Variants in KCNH5 observed in about 807,000 individuals in gnomAD.
KCNH5 encodes the protein potassium voltage-gated channel subfamily H member 5.
In KCNH5, 46 loss-of-function variants were observed where a neutral mutation model predicts 96.1. That is an observed-to-expected ratio of 0.48 (90% confidence interval 0.38 to 0.61). KCNH5 has a LOEUF of 0.61. Ranked by LOEUF, KCNH5 falls within the 20% of genes least tolerant of loss-of-function variation. KCNH5 has a pLI of 0.00. For missense variants in KCNH5, 907 were observed against 1,225.8 expected (o/e 0.74, Z 3.88); for synonymous variants, 439 against 449.8 (o/e 0.98, Z 0.30).
intron 8 of KCNH5, among the ~76,000 whole-genome samples, chr14:62,843,157 A>G (rs1270486269): frequency 1.3e-5 from 2 of 152,170 alleles, no homozygotes; most frequent in Admixed American, 1.3e-4. Flanking sequence ...TACCCATCAT[A>G]TAACAAAATT....
rs1891906953 is a variant in KCNH5, at chr14:63,045,414, G to A, written c.-228C>T. The A allele has an allele frequency of 5.3e-6, 3 of 561,524 alleles. No homozygotes were observed. The highest frequency in any genetic ancestry group is 6.4e-6 in the Non-Finnish European group (2 of 311,736). 34.8% of individuals were successfully genotyped at this position (561,524 alleles called of 1,614,324 possible). A position where few individuals can be genotyped will look rare whatever the true frequency, so the allele number is the denominator to read the frequency against. ...TGGTAGTAGCGCTCCCCCGGCCGCC[G>A]CTGCCCAGACTGTGGCGGTGCCGCA... On this transcript the variant is annotated 5_prime_UTR_variant, in exon 1 of 11. Transcript: ENST00000322893.
intron 8 of KCNH5, among the ~76,000 whole-genome samples, chr14:62,820,392 G>C (rs910366132): frequency 6.6e-6 from 1 of 150,646 alleles, no homozygotes; most frequent in Non-Finnish European, 1.5e-5. Context: ...TGTCACCCAG[G>C]CTGGAGTGCA....
At chr14:62,924,186 A>G (rs1325906440) in intron 7 of KCNH5, among the ~76,000 whole-genome samples, 2 of 152,066 alleles carry the variant, frequency 1.3e-5, no homozygotes, top group African/African-American at 4.8e-5. Flanking sequence ...TCTAAAAAGA[A>G]GACATACGAA....
chr14:62,716,130 T>A (rs1884680013), intron 10 of KCNH5, among the ~76,000 whole-genome samples: 1 of 152,170 alleles, frequency 6.6e-6, no homozygotes, highest in Admixed American at 6.5e-5. Flanking sequence ...AACTTTGAAA[T>A]ATGGTGCTCA....
chr14:62,820,616 T>C (rs1229884220), intron 8 of KCNH5, among the ~76,000 whole-genome samples: 1 of 152,170 alleles, frequency 6.6e-6, no homozygotes, highest in Admixed American at 6.5e-5. Context: ...CTGCCTTAGT[T>C]TGCTCAGGAT....
chr14:62,890,617 T>G (rs1453905171), intron 7 of KCNH5, among the ~76,000 whole-genome samples: 1 of 144,656 alleles, frequency 6.9e-6, no homozygotes, highest in African/African-American at 2.6e-5. Context: ...GAGAATGGCG[T>G]GAACCCGGGA....
chr14:63,014,152 A>G (rs1891281019), intron 2 of KCNH5, among the ~76,000 whole-genome samples: 1 of 152,178 alleles, frequency 6.6e-6, no homozygotes, highest in African/African-American at 2.4e-5. Flanking sequence ...GTCTCTGATA[A>G]GTAAAGACAA....
chr14:62,932,473 AT>A (rs1233363846), intron 7 of KCNH5, among the ~76,000 whole-genome samples: 1 of 148,972 alleles, frequency 6.7e-6, no homozygotes. Context: ...TAGAAATGAG[AT>A]TAAAAAAAAA....
intron 4 of KCNH5, among the ~76,000 whole-genome samples, chr14:62,997,842 G>A (rs1055368286): frequency 1.4e-4 from 20 of 142,010 alleles, no homozygotes; most frequent in African/African-American, 5.4e-4. Flanking sequence ...GGAGCTTGCA[G>A]TGAACCGAGA....
In KCNH5 at chr14:62,705,296, G is replaced by C. The variant is rs898167590; in HGVS notation, c.*2212C>G. The C allele has an allele frequency of 6.6e-6, 1 of 151,882 alleles. No homozygotes were observed. Among genetic ancestry groups the C allele is most frequent in the Non-Finnish European group, 1.5e-5 (1 of 67,828 alleles). 9.4% of individuals were successfully genotyped at this position (151,882 alleles called of 1,614,324 possible). ...ACCAATAGTTAGTTTTGAAGCACTG[G>C]CTAAAGTTAAACTAACAACTTCTAT... On this transcript the variant is annotated 3_prime_UTR_variant, in exon 11 of 11. Coordinates refer to ENST00000322893, the MANE Select transcript of KCNH5 (RefSeq NM_139318.5).
At chr14:62,878,191 G>C (rs1595667268) in intron 7 of KCNH5, among the ~76,000 whole-genome samples, 1 of 82,940 alleles carries the variant, frequency 1.2e-5, no homozygotes, top group East Asian at 5.0e-4. Context: ...TCTGGGGACT[G>C]TTGTGGGGAT....
intron 4 of KCNH5, among the ~76,000 whole-genome samples, chr14:62,989,435 C>T (rs1019413738): frequency 6.6e-6 from 1 of 152,116 alleles, no homozygotes. Flanking sequence ...ATTCTTTGCA[C>T]ACCCTACGCT....
intron 8 of KCNH5, among the ~76,000 whole-genome samples, chr14:62,846,306 T>C (rs545530309): frequency 9.9e-5 from 15 of 152,216 alleles, no homozygotes; most frequent in Non-Finnish European, 2.1e-4. Context: ...ACTTTACATA[T>C]TAAGGTAATT....
chr14:63,020,710 G>A (rs894775084), intron 1 of KCNH5, among the ~76,000 whole-genome samples: 2 of 152,100 alleles, frequency 1.3e-5, no homozygotes, highest in African/African-American at 4.8e-5. Context: ...TCTTGATAGA[G>A]GTATACGTTA....
chr14:62,956,897 T>C (rs1890114922), intron 6 of KCNH5, among the ~76,000 whole-genome samples: 2 of 152,202 alleles, frequency 1.3e-5, no homozygotes, highest in South Asian at 4.1e-4. Flanking sequence ...ATTTTCTGCT[T>C]CATTTCACTC....
chr14:62,778,763 A>G (rs1400867364), intron 10 of KCNH5, among the ~76,000 whole-genome samples: 1 of 152,226 alleles, frequency 6.6e-6, no homozygotes, highest in Non-Finnish European at 1.5e-5. Context: ...ACTGAAAATG[A>G]TGTTCAAGTA....
intron 8 of KCNH5, among the ~76,000 whole-genome samples, chr14:62,824,371 G>C (rs1424255709): frequency 6.6e-6 from 1 of 152,168 alleles, no homozygotes; most frequent in East Asian, 1.9e-4. Flanking sequence ...AAATCTTACT[G>C]TGCTGAAAAT....
chr14:63,003,346 C>A lies in KCNH5; in HGVS notation c.305-1887G>T, dbSNP rs112046483. Among the ~76,000 whole-genome samples, 206 of 148,268 alleles carry A rather than the reference C, an allele frequency of 1.4e-3. 1 individual carries two copies. The highest frequency in any genetic ancestry group is 5.0e-3 in the African/African-American group (201 of 40,120). On this transcript the variant is annotated intron_variant, in intron 3 of 10. Transcript: ENST00000322893. ...GTCTGGGAGGGTTAAGTAGAGGAAC[C>A]TGCTGTGGCTGAATCTCGGTGCAGT...
chr14:62,739,770 G>A (rs1319069995), intron 10 of KCNH5, among the ~76,000 whole-genome samples: 1 of 152,110 alleles, frequency 6.6e-6, no homozygotes, highest in Non-Finnish European at 1.5e-5. Flanking sequence ...GGGATTTGGA[G>A]TGTTACTCTT....
Sources: allele counts gnomAD v4.1 joint callset (sites outside exome capture counted in the v4.1 genomes callset), GRCh38; gene constraint gnomAD v4.1.1; transcripts MANE v1.5; gene names NCBI Gene and HGNC (gene_info 2026-07-23, HGNC 2026-07-21).